MIA2: variants seen among roughly 807,000 people sequenced by gnomAD.
MIA2 encodes the protein MIA SH3 domain ER export factor 2.
MIA2 carries 127 observed loss-of-function variants against 167.8 expected under a neutral mutation model. The observed-to-expected ratio is 0.76, with a 90% CI of 0.66 to 0.88. The LOEUF (loss-of-function observed/expected upper bound fraction) is 0.88, where lower values mean the gene tolerates loss of function less well. MIA2 is among the 40% of genes least tolerant of loss of function. The probability of loss-of-function intolerance (pLI) is 0.00; values close to 1 mark genes in which losing one functional copy is unlikely to be tolerated. For missense variants in MIA2, 1,690 were observed against 1,624.7 expected (o/e 1.04, Z -0.69); for synonymous variants, 552 against 541.9 (o/e 1.02, Z -0.26).
At chr14:39,352,010 T>G (rs185931825), downstream of MIA2, among the ~76,000 whole-genome samples, 1 of 152,292 alleles carries the variant, frequency 6.6e-6, no homozygotes, top group Admixed American at 6.5e-5. Context: ...TTTTTTTACC[T>G]TTTATTTTAT....
rs1202341366 is a variant in MIA2, at chr14:39,293,342, A to G, written c.2280A>G (p.Leu760=). 9 of 1,608,626 alleles carry G rather than the reference A, an allele frequency of 5.6e-6. No homozygotes were observed. Among genetic ancestry groups the G allele is most frequent in the Non-Finnish European group, 7.7e-6 (9 of 1,175,826 alleles). The part of the protein sequence containing the change: ...EDEILCLEKE[L]KEEKSKHSEQ... ...AAATACTCTGTCTAGAAAAAGAGTT[A>G]AAAGAAGAGAAATCCAAACATTCTG... The change falls in exon 11 of 29, where the codon TTA becomes TTG. Residue 760 remains leucine (L), a synonymous_variant. Coordinates refer to ENST00000640607, the MANE Select transcript of MIA2 (RefSeq NM_001329214.4).
intron 23 of MIA2, among the ~76,000 whole-genome samples, chr14:39,366,956 C>T (rs1261315550): frequency 1.3e-5 from 2 of 152,194 alleles, no homozygotes; most frequent in African/African-American, 4.8e-5. Context: ...GGCCGCTGTG[C>T]TGCTGAGGGG....
intron 23 of MIA2, among the ~76,000 whole-genome samples, chr14:39,381,820 CA>C (rs766849306): frequency 6.6e-6 from 1 of 151,240 alleles, no homozygotes; most frequent in African/African-American, 2.4e-5. Context: ...AAAACAAAAA[CA>C]AAAAAACCAG....
rs1265771198 is a variant in MIA2 at position 39,322,127 on chromosome 14, A to G, written c.3496+1071A>G. Among the ~76,000 whole-genome samples the G allele has an allele frequency of 2.6e-5, 4 of 152,180 alleles. No homozygotes were observed. In the South Asian group the frequency reaches 8.3e-4, roughly 32 times the overall value. ...AATTAAAAAAATTTACATTAGTATCATGATCTTTTTATTGTAGAAAATTAG... is the reference window on the plus strand; with the variant it reads ...AATTAAAAAAATTTACATTAGTATCGTGATCTTTTTATTGTAGAAAATTAG... On this transcript the variant is annotated intron_variant, in intron 24 of 28. Transcript: ENST00000640607.
chr14:39,315,530 G>C (rs546198017), intron 20 of MIA2, among the ~76,000 whole-genome samples, 153 bp from the exon 21 acceptor site: 2 of 152,264 alleles, frequency 1.3e-5, no homozygotes, highest in East Asian at 3.9e-4. Context: ...AATAGATTAT[G>C]TATACATGAA....
intron 9 of MIA2, among the ~76,000 whole-genome samples, chr14:39,286,450 A>G (rs1406146061): frequency 1.3e-5 from 2 of 152,028 alleles, no homozygotes; most frequent in Non-Finnish European, 2.9e-5. Flanking sequence ...GGGAGAGGGG[A>G]GAGGGAGAGG....
intron 23 of MIA2, among the ~76,000 whole-genome samples, chr14:39,384,243 T>C (rs2075225386): frequency 6.6e-6 from 1 of 152,308 alleles, no homozygotes; most frequent in East Asian, 1.9e-4. Flanking sequence ...AAATCTGCTC[T>C]GCCTGTGCTC....
intron 23 of MIA2, among the ~76,000 whole-genome samples, chr14:39,385,091 C>T (rs574890366): frequency 1.3e-5 from 2 of 152,312 alleles, no homozygotes; most frequent in East Asian, 3.9e-4. Flanking sequence ...TAAACTCCTA[C>T]TGACGACTGC....
chr14:39,352,679 C>T (rs139113300), downstream of MIA2, among the ~76,000 whole-genome samples: 28 of 152,164 alleles, frequency 1.8e-4, no homozygotes, highest in East Asian at 1.2e-3. Flanking sequence ...TTTTAAATCA[C>T]GTCTAGTTTA....
chr14:39,325,594 C>T (rs576847129), intron 24 of MIA2, among the ~76,000 whole-genome samples: 39 of 151,714 alleles, frequency 2.6e-4, no homozygotes, highest in African/African-American at 8.7e-4. Context: ...GTCTCGATCT[C>T]CTGACCTTGT....
At chr14:39,327,851 T>G (rs1329544058) in intron 25 of MIA2, among the ~76,000 whole-genome samples, 1 of 152,252 alleles carries the variant, frequency 6.6e-6, no homozygotes, top group Non-Finnish European at 1.5e-5. Context: ...TGCCACATTT[T>G]CTTTATGCAG....
At chr14:39,318,126 G>T (rs1319050305) in intron 22 of MIA2, 115 bp downstream of exon 22, 1 of 707,962 alleles carries the variant, frequency 1.4e-6, no homozygotes, top group East Asian at 3.3e-5. Context: ...TATCTTGTGA[G>T]ATATCTATTA....
intron 23 of MIA2, chr14:39,386,318 C>T (rs1447887662): frequency 6.7e-7 from 1 of 1,492,032 alleles, no homozygotes; most frequent in African/African-American, 1.4e-5. Context: ...TGTGCTGGGA[C>T]CATCACTGAT....
chr14:39,326,945 C>G lies in MIA2; in HGVS notation c.3578C>G (p.Pro1193Arg). Residue 1193 changes from proline to arginine, a missense_variant, in exon 25 of 29, where the codon CCT becomes CGT. Transcript: ENST00000640607. ...TCAAGCTGTGATAGGTTAACCGATCCTCATAGGGCTCCCTCTGACACTGGG... is the reference window on the plus strand; with the variant it reads ...TCAAGCTGTGATAGGTTAACCGATCGTCATAGGGCTCCCTCTGACACTGGG... ...GESSCDRLTDPHRAPSDTGSL... is the reference protein window; with the variant it reads ...GESSCDRLTDRHRAPSDTGSL... 2 of 1,594,740 alleles carry G rather than the reference C, an allele frequency of 1.3e-6. No individual in the cohort carries two copies. Among genetic ancestry groups the G allele is most frequent in the Non-Finnish European group, 1.7e-6 (2 of 1,171,538 alleles).
chr14:39,284,194 G>T (rs1566720560), intron 9 of MIA2, among the ~76,000 whole-genome samples: 2 of 152,012 alleles, frequency 1.3e-5, no homozygotes, highest in Non-Finnish European at 2.9e-5. Flanking sequence ...CAGGTTTTAT[G>T]TTTAGGTCTT....
chr14:39,337,403 A>G (rs1016021726), intron 25 of MIA2, among the ~76,000 whole-genome samples: 25 of 152,338 alleles, frequency 1.6e-4, no homozygotes, highest in Middle Eastern at 3.4e-3. Flanking sequence ...GCAAGTATAT[A>G]GAAGAACTGA....
Position 39,300,085 on chromosome 14 carries a change from A to G in MIA2, c.2619+99A>G, listed in dbSNP as rs929136406. The G allele has an allele frequency of 2.3e-5, 34 of 1,447,190 alleles. No homozygotes were observed. In the African/African-American group the frequency reaches 3.6e-4, roughly 15 times the overall value. The allele number at this position is 1,447,190 out of a possible 1,614,324, so 89.6% of individuals were successfully genotyped here. On this transcript the variant is annotated intron_variant, in intron 14 of 28. Coordinates refer to ENST00000640607, the MANE Select transcript of MIA2 (RefSeq NM_001329214.4). ...TTTTAGCAACTTTTATTTTCACAAC[A>G]TATTTTCATAACATATTTGGCCAGA...
intron 25 of MIA2, among the ~76,000 whole-genome samples, chr14:39,332,219 C>A (rs188261712): frequency 6.6e-6 from 1 of 151,996 alleles, no homozygotes; most frequent in Non-Finnish European, 1.5e-5. Context: ...TCCTTTCTTC[C>A]GACTGATCAA....
rs35159773 is a variant in MIA2 at position 39,286,696 on chromosome 14, C to CTTTTTTTTTTTTTTTT, written c.2131-4308_2131-4307insTTTTTTTTTTTTTTTT. ...TTATCCTTCTCTTCCTTCCTTCTTA[C>CTTTTTTTTTTTTTTTT]TTTTTTTTTTTTTTTGAGACAGGCT... On this transcript the variant is annotated intron_variant, in intron 9 of 28. Transcript: ENST00000640607. Among the ~76,000 whole-genome samples the CTTTTTTTTTTTTTTTT allele has an allele frequency of 1.4e-5, 2 of 142,690 alleles. 1 individual carries two copies. The highest frequency in any genetic ancestry group is 3.0e-5 in the Non-Finnish European group (2 of 66,014). The allele number at this position is 142,690 out of a possible 152,430, so 93.6% of individuals were successfully genotyped here. A position where few individuals can be genotyped will look rare whatever the true frequency, so the allele number is the denominator to read the frequency against.
Sources: allele counts gnomAD v4.1 joint callset (sites outside exome capture counted in the v4.1 genomes callset), GRCh38; gene constraint gnomAD v4.1.1; transcripts MANE v1.5; gene names NCBI Gene and HGNC (gene_info 2026-07-23, HGNC 2026-07-21).